VWA8: variants seen among roughly 807,000 people sequenced by gnomAD.
VWA8 encodes the protein von Willebrand factor A domain containing 8, also known as von Willebrand factor A domain-containing protein 8.
In VWA8, 221 loss-of-function variants were observed where a neutral mutation model predicts 241.5. That is an observed-to-expected ratio of 0.91 (90% CI 0.82 to 1.02). The LOEUF is 1.02. Among genes scored for constraint, VWA8 ranks in the 50% least tolerant of loss-of-function variants. The probability of loss-of-function intolerance (pLI) is 0.00; values close to 1 mark genes in which losing one functional copy is unlikely to be tolerated. For synonymous variants in VWA8, 852 were observed against 827.1 expected, an observed-to-expected ratio of 1.03 and a Z score of -0.52; for missense variants, 2,322 against 2,328.7, an observed-to-expected ratio of 1.00 and a Z score of 0.06.
intron 31 of VWA8, 113 bp downstream of exon 31, chr13:41,691,761 A>C: frequency 2.3e-6 from 2 of 873,100 alleles, no homozygotes; most frequent in Non-Finnish European, 3.6e-6. Flanking sequence ...TTTATATTAA[A>C]ACATTCATAA....
In VWA8 at chr13:41,670,362, G is replaced by C. The variant is rs74804289; in HGVS notation, c.4611+584C>G. Among the ~76,000 whole-genome samples the C allele has an allele frequency of 9.4e-3, 1,426 of 151,030 alleles. 12 individuals are homozygous for C. Among genetic ancestry groups the C allele is most frequent in the African/African-American group, 0.021 (854 of 41,118 alleles). ...AGATGATGACTGAGTCATTTCTGGA[G>C]TTATCAGGTTTCTTTTCACTTTGGT... On this transcript the variant is annotated intron_variant, in intron 37 of 44. Transcript: ENST00000379310.
At chr13:41,678,213 C>T (rs2045073914) in intron 35 of VWA8, among the ~76,000 whole-genome samples, 1 of 152,088 alleles carries the variant, frequency 6.6e-6, no homozygotes, top group Non-Finnish European at 1.5e-5. Flanking sequence ...TCCCAAGAGA[C>T]AAATAGCTCA....
chr13:41,736,327 T>C (rs1157353429), intron 21 of VWA8, among the ~76,000 whole-genome samples: 2 of 152,208 alleles, frequency 1.3e-5, no homozygotes, highest in African/African-American at 4.8e-5. Flanking sequence ...TTCTTAACTT[T>C]GGCACTTTAA....
At chr13:41,637,933 T>C (rs772402757) in intron 37 of VWA8, among the ~76,000 whole-genome samples, 3 of 152,218 alleles carry the variant, frequency 2.0e-5, no homozygotes, top group Non-Finnish European at 4.4e-5. Flanking sequence ...CCAGGTGACT[T>C]GAGTTTTAGT....
At chr13:41,949,848 C>T in intron 2 of VWA8, 88 bp downstream of exon 2, 1 of 739,840 alleles carries the variant, frequency 1.4e-6, no homozygotes, top group Non-Finnish European at 2.2e-6. Context: ...TAGGTTTATA[C>T]TATTCTCTCT....
chr13:41,868,621 A>C, intron 9 of VWA8, 144 bp from the exon 10 acceptor site: 2 of 1,032,814 alleles, frequency 1.9e-6, no homozygotes, highest in Non-Finnish European at 2.7e-6. Context: ...GCGGTGGCTC[A>C]GGCCTGTTAA....
intron 5 of VWA8, among the ~76,000 whole-genome samples, chr13:41,887,617 T>A (rs1355585114): frequency 6.6e-6 from 1 of 151,990 alleles, no homozygotes; most frequent in African/African-American, 2.4e-5. Context: ...TTGGGTCAGA[T>A]CTCCAAGCCT....
At chr13:41,804,231 C>T (rs1174452981) in intron 17 of VWA8, among the ~76,000 whole-genome samples, 1 of 152,010 alleles carries the variant, frequency 6.6e-6, no homozygotes, top group African/African-American at 2.4e-5. Flanking sequence ...AAAAGACAAC[C>T]TCAAGATATC....
At chr13:41,902,394 G>A (rs915058182) in intron 4 of VWA8, among the ~76,000 whole-genome samples, 12 of 152,090 alleles carry the variant, frequency 7.9e-5, no homozygotes, top group African/African-American at 1.7e-4. Flanking sequence ...CATGCTGCTC[G>A]TCTTGAAGAA....
chr13:41,855,099 TA>T (rs1363802130), intron 12 of VWA8, among the ~76,000 whole-genome samples: 4 of 151,732 alleles, frequency 2.6e-5, no homozygotes, highest in East Asian at 3.9e-4. Context: ...AAATGTGAAA[TA>T]GGGGGAAAAT....
At chr13:41,617,340 A>T (rs952790675) in intron 37 of VWA8, among the ~76,000 whole-genome samples, 1 of 152,130 alleles carries the variant, frequency 6.6e-6, no homozygotes, top group African/African-American at 2.4e-5. Flanking sequence ...GCTGGTCTTG[A>T]ACTCCTGACC....
chr13:41,889,826 A>C (rs1874741184), intron 5 of VWA8, among the ~76,000 whole-genome samples: 1 of 152,222 alleles, frequency 6.6e-6, no homozygotes, highest in African/African-American at 2.4e-5. Context: ...CCATATTCTG[A>C]GTATTTTTTT....
At chr13:41,694,851 T>C (rs1368341774) in intron 29 of VWA8, among the ~76,000 whole-genome samples, 1 of 152,176 alleles carries the variant, frequency 6.6e-6, no homozygotes, top group East Asian at 1.9e-4. Context: ...TAGGGTCTAA[T>C]ACTTACATAT....
intron 9 of VWA8, 105 bp downstream of exon 9, chr13:41,883,282 G>C: frequency 1.2e-6 from 1 of 813,594 alleles, no homozygotes; most frequent in Non-Finnish European, 2.0e-6. Context: ...TAAGGATGGG[G>C]AGAGAAAAAT....
intron 12 of VWA8, among the ~76,000 whole-genome samples, chr13:41,858,686 T>A (rs1593822515): frequency 6.6e-6 from 1 of 151,992 alleles, no homozygotes; most frequent in East Asian, 1.9e-4. Flanking sequence ...TTGAAAAGGA[T>A]TGCTAGAGTC....
intron 29 of VWA8, among the ~76,000 whole-genome samples, chr13:41,695,387 T>C (rs1472772113): frequency 2.6e-5 from 4 of 152,172 alleles, no homozygotes; most frequent in African/African-American, 7.2e-5. Context: ...CAAAGCTTTA[T>C]GTTAAAAAGG....
intron 12 of VWA8, among the ~76,000 whole-genome samples, chr13:41,852,659 A>G (rs1048522973): frequency 2.0e-5 from 3 of 152,228 alleles, no homozygotes; most frequent in African/African-American, 7.2e-5. Flanking sequence ...AAGGTCTAAT[A>G]TCATTGTTCT....
At chr13:41,711,463 T>C (rs527544982) in intron 26 of VWA8, among the ~76,000 whole-genome samples, 14 of 152,338 alleles carry the variant, frequency 9.2e-5, no homozygotes, top group African/African-American at 3.1e-4. Context: ...TTGTAATGAC[T>C]TAATAGCAAC....
rs900442263 is a variant in VWA8, at chr13:41,888,042, T to G, written c.652-681A>C. Among the ~76,000 whole-genome samples, 8 of 152,342 alleles carry G rather than the reference T, an allele frequency of 5.3e-5. 1 individual carries two copies. The highest frequency in any genetic ancestry group is 3.3e-4 in the Admixed American group (5 of 15,310). On this transcript the variant is annotated intron_variant, in intron 5 of 44. Coordinates refer to ENST00000379310, the MANE Select transcript of VWA8 (RefSeq NM_015058.2). ...TGGCTCAACTGCTTGATGTACACTTTTACTAAATGTTAGCGTATGCATGGT... is the reference window on the plus strand; with the variant it reads ...TGGCTCAACTGCTTGATGTACACTTGTACTAAATGTTAGCGTATGCATGGT...
Sources: allele counts gnomAD v4.1 joint callset (sites outside exome capture counted in the v4.1 genomes callset), GRCh38; gene constraint gnomAD v4.1.1; transcripts MANE v1.5; gene names NCBI Gene and HGNC (gene_info 2026-07-23, HGNC 2026-07-21).